NLGN1: variants seen among roughly 807,000 people sequenced by gnomAD.
The protein encoded by NLGN1 is neuroligin-1.
Under a neutral mutation model 65.5 loss-of-function variants are expected in NLGN1, and 12 were observed. That is an observed-to-expected ratio of 0.18 (90% confidence interval 0.12 to 0.30). The LOEUF (loss-of-function observed/expected upper bound fraction) is 0.30, where lower values mean the gene tolerates loss of function less well. NLGN1 is among the 10% of genes least tolerant of loss of function. The pLI is 1.00. For synonymous variants in NLGN1, 350 were observed against 359.5 expected, an observed-to-expected ratio of 0.97 and a Z score of 0.30; for missense variants, 750 against 1,007.1, an observed-to-expected ratio of 0.74 and a Z score of 3.46.
At chr3:173,465,923 T>G (rs1724268230) in intron 2 of NLGN1, among the ~76,000 whole-genome samples, 1 of 152,152 alleles carries the variant, frequency 6.6e-6, no homozygotes, top group Non-Finnish European at 1.5e-5. Flanking sequence ...AGATACTTGG[T>G]GACTTGTGAG....
intron 4 of NLGN1, among the ~76,000 whole-genome samples, chr3:174,215,059 A>G (rs1170606061): frequency 2.6e-5 from 4 of 152,100 alleles, no homozygotes; most frequent in African/African-American, 9.7e-5. Context: ...CAGGGAACTG[A>G]CAGGGAACTC....
intron 4 of NLGN1, among the ~76,000 whole-genome samples, chr3:174,228,462 T>A (rs1356622559): frequency 6.6e-6 from 1 of 152,036 alleles, no homozygotes; most frequent in Non-Finnish European, 1.5e-5. Flanking sequence ...TGCTAAGTGG[T>A]AGGGGCTACA....
intron 4 of NLGN1, among the ~76,000 whole-genome samples, chr3:174,087,852 A>G (rs1209238551): frequency 6.6e-6 from 1 of 152,212 alleles, no homozygotes; most frequent in African/African-American, 2.4e-5. Flanking sequence ...CTTAGTCCCA[A>G]TTATGTATCA....
chr3:174,270,184 ATTTTT>A (rs10547987), intron 4 of NLGN1, among the ~76,000 whole-genome samples: 1 of 127,886 alleles, frequency 7.8e-6, no homozygotes, highest in African/African-American at 2.9e-5. Context: ...TTATTTGTTT[ATTTTT>A]TTTTTTTTCC....
At chr3:173,437,291 A>G (rs1718314608) in intron 2 of NLGN1, among the ~76,000 whole-genome samples, 1 of 152,154 alleles carries the variant, frequency 6.6e-6, no homozygotes, top group African/African-American at 2.4e-5. Flanking sequence ...CCAATACCAC[A>G]TGTGTCTATT....
intron 3 of NLGN1, among the ~76,000 whole-genome samples, chr3:173,625,515 AAAAGTGGAG>A (rs1370708266): frequency 6.6e-6 from 1 of 152,132 alleles, no homozygotes; most frequent in Non-Finnish European, 1.5e-5. Context: ...GGGCATGTGG[AAAAGTGGAG>A]AAAGTCTCTG....
At chr3:174,224,968 CAA>C (rs1739348918) in intron 4 of NLGN1, among the ~76,000 whole-genome samples, 2 of 152,236 alleles carry the variant, frequency 1.3e-5, no homozygotes, top group Admixed American at 1.3e-4. Context: ...AAAGGAAAAC[CAA>C]AGTCTTCCAA....
intron 4 of NLGN1, among the ~76,000 whole-genome samples, chr3:174,145,568 G>C (rs917768582): frequency 6.6e-6 from 1 of 151,774 alleles, no homozygotes; most frequent in Admixed American, 6.6e-5. Flanking sequence ...AAACAAAAAG[G>C]CATTGAAAAA....
rs557998734 is a variant in NLGN1, at chr3:173,526,371, A to G, written c.-320-77908A>G. 3.8e-4 allele frequency among the ~76,000 whole-genome samples: 58 copies of G among 152,114 alleles called. No individual in the cohort carries two copies. In the South Asian group the frequency reaches 0.012, roughly 30 times the overall value. The stretch of plus-strand genomic sequence containing the variant: ...TGGCTTAACATCTGTTTTGTTTGAT[A>G]TAAGAATGGCTACTGCTCTTCATTT... On this transcript the variant is annotated intron_variant, in intron 2 of 6. Transcript: ENST00000457714.
At chr3:174,175,248 T>C (rs9867537) in intron 4 of NLGN1, among the ~76,000 whole-genome samples, 42,541 of 151,702 alleles carry the variant, frequency 0.28, 7,553 homozygotes, top group African/African-American at 0.51. Flanking sequence ...TCTCCAGCTA[T>C]TATTCTATGG....
At chr3:174,016,296 A>G (rs1276568933) in intron 4 of NLGN1, among the ~76,000 whole-genome samples, 2 of 152,188 alleles carry the variant, frequency 1.3e-5, no homozygotes, top group Non-Finnish European at 2.9e-5. Context: ...AGCAAAAGAG[A>G]CTGGATGTAT....
At chr3:174,031,259 C>T (rs1436995132) in intron 4 of NLGN1, among the ~76,000 whole-genome samples, 1 of 152,148 alleles carries the variant, frequency 6.6e-6, no homozygotes, top group Non-Finnish European at 1.5e-5. Context: ...TATTTCTACT[C>T]TGAGCCAGGC....
At chr3:174,178,164 A>G (rs1729781701) in intron 4 of NLGN1, among the ~76,000 whole-genome samples, 1 of 152,136 alleles carries the variant, frequency 6.6e-6, no homozygotes, top group Non-Finnish European at 1.5e-5. Context: ...AATGCACACT[A>G]TCTAGTGAAC....
intron 3 of NLGN1, among the ~76,000 whole-genome samples, chr3:173,610,498 A>G (rs1752116294): frequency 6.6e-6 from 1 of 152,018 alleles, no homozygotes; most frequent in African/African-American, 2.4e-5. Flanking sequence ...ATTTCAAGTC[A>G]TGAGCTTGAG....
At chr3:174,013,234 A>G (rs1182885827) in intron 4 of NLGN1, among the ~76,000 whole-genome samples, 1 of 152,038 alleles carries the variant, frequency 6.6e-6, no homozygotes, top group South Asian at 2.1e-4. Context: ...TGGGATTCTG[A>G]GTGTTCTTGA....
chr3:173,596,948 C>G (rs1749588132), intron 2 of NLGN1, among the ~76,000 whole-genome samples: 1 of 152,152 alleles, frequency 6.6e-6, no homozygotes, highest in Non-Finnish European at 1.5e-5. Flanking sequence ...TTCCTTATCC[C>G]CAACCCTGAC....
At chr3:173,607,180 A>T (rs1751524456) in intron 3 of NLGN1, among the ~76,000 whole-genome samples, 1 of 151,894 alleles carries the variant, frequency 6.6e-6, no homozygotes. Context: ...ATTCTTTTTC[A>T]TTGTTCTTTG....
chr3:173,708,476 G>A (rs1768403584), intron 3 of NLGN1, among the ~76,000 whole-genome samples: 1 of 152,154 alleles, frequency 6.6e-6, no homozygotes, highest in Non-Finnish European at 1.5e-5. Flanking sequence ...TGCTGGTCTA[G>A]GGACGCACAC....
chr3:174,231,924 G>A (rs1740779883), intron 4 of NLGN1, among the ~76,000 whole-genome samples: 1 of 152,256 alleles, frequency 6.6e-6, no homozygotes, highest in African/African-American at 2.4e-5. Context: ...TAACTTATGG[G>A]ATAGTGATTG....
Sources: allele counts gnomAD v4.1 joint callset (sites outside exome capture counted in the v4.1 genomes callset), GRCh38; gene constraint gnomAD v4.1.1; transcripts MANE v1.5; gene names NCBI Gene and HGNC (gene_info 2026-07-23, HGNC 2026-07-21).